Variants in PARD3 observed in about 807,000 individuals in gnomAD.
PARD3 encodes partitioning defective 3 homolog.
PARD3 carries 75 observed loss-of-function variants against 155.4 expected under a neutral mutation model. The observed-to-expected ratio is 0.48, with a 90% CI of 0.40 to 0.58. The LOEUF is 0.58. PARD3 is among the 20% of genes least tolerant of loss of function. PARD3 has a pLI of 0.00. For synonymous variants in PARD3, 576 were observed against 610.5 expected, an observed-to-expected ratio of 0.94 and a Z score of 0.83; for missense variants, 1,642 against 1,721.7, an observed-to-expected ratio of 0.95 and a Z score of 0.82.
intron 14 of PARD3, among the ~76,000 whole-genome samples, chr10:34,352,764 G>A (rs1000296180): frequency 2.6e-5 from 4 of 151,320 alleles, no homozygotes; most frequent in Non-Finnish European, 5.9e-5. Context: ...GCCCGGCCGC[G>A]ACCCCATCTG....
chr10:34,234,028 G>C lies in PARD3; in HGVS notation c.3419+35629C>G, dbSNP rs143726858. 8.5e-5 allele frequency among the ~76,000 whole-genome samples: 13 copies of C among 152,210 alleles called. No individual in the cohort carries two copies. The East Asian group carries it at 2.1e-3, about 25-fold the overall frequency. On this transcript the variant is annotated intron_variant, in intron 22 of 24. Coordinates refer to ENST00000374788, the MANE Select transcript of PARD3 (RefSeq NM_001184785.2). ...AAATCTCATCTGTTTGAAGTACCTA[G>C]TGCAATTTCTGATATAACTACTGAT...
At chr10:34,348,178 G>C (rs1438438012) in intron 14 of PARD3, 63 bp from the exon 15 acceptor site, 10 of 1,434,916 alleles carry the variant, frequency 7.0e-6, no homozygotes, top group Middle Eastern at 2.5e-4. Context: ...TAGCAGCATG[G>C]GAGAATTATA....
intron 12 of PARD3, among the ~76,000 whole-genome samples, chr10:34,370,363 T>C (rs1036015507): frequency 5.9e-5 from 9 of 152,200 alleles, no homozygotes; most frequent in Admixed American, 1.3e-4. Flanking sequence ...AAAAGATGCT[T>C]CTTTCCCTCT....
chr10:34,528,967 T>A (rs2082655898), intron 2 of PARD3, among the ~76,000 whole-genome samples: 1 of 152,316 alleles, frequency 6.6e-6, no homozygotes, highest in Non-Finnish European at 1.5e-5. Context: ...GGTGCCATTA[T>A]GAAGGAAAAT....
At chr10:34,130,881 T>C (rs1947571387) in intron 23 of PARD3, among the ~76,000 whole-genome samples, 1 of 152,144 alleles carries the variant, frequency 6.6e-6, no homozygotes, top group African/African-American at 2.4e-5. Context: ...GCCAACATAG[T>C]GAGACTCAGT....
chr10:34,716,289 A>G (rs988686931), intron 1 of PARD3, among the ~76,000 whole-genome samples: 2 of 152,242 alleles, frequency 1.3e-5, no homozygotes, highest in Non-Finnish European at 2.9e-5. Context: ...GAATACATCA[A>G]GCACAAATAC....
At chr10:34,469,805 A>T (rs1045969514) in intron 4 of PARD3, among the ~76,000 whole-genome samples, 4 of 152,140 alleles carry the variant, frequency 2.6e-5, no homozygotes, top group Non-Finnish European at 5.9e-5. Flanking sequence ...TAATGTGTTG[A>T]ATGTTTTCAT....
chr10:34,116,726 T>C (rs182814141), intron 24 of PARD3, among the ~76,000 whole-genome samples: 5 of 152,374 alleles, frequency 3.3e-5, no homozygotes, highest in Admixed American at 3.3e-4. Context: ...AATTTGAGGA[T>C]GTCTGCTTTT....
At chr10:34,211,008 T>C (rs1482644616) in intron 22 of PARD3, among the ~76,000 whole-genome samples, 1 of 152,146 alleles carries the variant, frequency 6.6e-6, no homozygotes, top group Non-Finnish European at 1.5e-5. Flanking sequence ...TGAGGAACTG[T>C]GTCAAGGTCT....
chr10:34,393,415 A>G (rs1843017001), intron 7 of PARD3, among the ~76,000 whole-genome samples: 1 of 151,968 alleles, frequency 6.6e-6, no homozygotes, highest in Non-Finnish European at 1.5e-5. Context: ...CCTCATGTCC[A>G]CAAAAAATAT....
chr10:34,641,886 C>T (rs902280637), intron 2 of PARD3, among the ~76,000 whole-genome samples: 3 of 152,124 alleles, frequency 2.0e-5, no homozygotes, highest in African/African-American at 7.2e-5. Context: ...GAGGAGGGCA[C>T]AAGGGTGGAG....
chr10:34,416,394 G>A (rs1222652447), intron 5 of PARD3, among the ~76,000 whole-genome samples: 1 of 152,122 alleles, frequency 6.6e-6, no homozygotes, highest in Admixed American at 6.6e-5. Flanking sequence ...GGAGGGCAGG[G>A]GGGACTTTGC....
intron 2 of PARD3, among the ~76,000 whole-genome samples, chr10:34,648,694 T>G (rs1590397988): frequency 6.6e-6 from 1 of 152,230 alleles, no homozygotes; most frequent in African/African-American, 2.4e-5. Context: ...CCTCCTGCTG[T>G]GCAGCCTGGC....
intron 2 of PARD3, among the ~76,000 whole-genome samples, chr10:34,575,973 C>T (rs1232587126): frequency 6.6e-6 from 1 of 152,184 alleles, no homozygotes; most frequent in African/African-American, 2.4e-5. Flanking sequence ...ATGCACCAGG[C>T]ATAGGCTTAG....
intron 22 of PARD3, among the ~76,000 whole-genome samples, chr10:34,222,291 C>T (rs886569457): frequency 6.6e-5 from 10 of 152,144 alleles, no homozygotes; most frequent in South Asian, 2.1e-4. Flanking sequence ...CAGCTAGCAC[C>T]GACCAGCAGC....
intron 21 of PARD3, among the ~76,000 whole-genome samples, chr10:34,273,586 T>C (rs1217389613): frequency 2.0e-5 from 3 of 152,172 alleles, no homozygotes; most frequent in African/African-American, 2.4e-5. Flanking sequence ...ACACACCCTA[T>C]ACCAATGCGA....
intron 2 of PARD3, among the ~76,000 whole-genome samples, chr10:34,573,730 A>AAAACAC (rs1197132914): frequency 3.6e-4 from 13 of 36,336 alleles, no homozygotes; most frequent in East Asian, 1.4e-3. Context: ...CAAACAAACA[A>AAAACAC]ACAAAAACAC....
At chr10:34,786,877 A>G (rs1841026848) in intron 1 of PARD3, among the ~76,000 whole-genome samples, 1 of 152,230 alleles carries the variant, frequency 6.6e-6, no homozygotes, top group Non-Finnish European at 1.5e-5. Context: ...CAGAGTTCAA[A>G]GAGATCATTA....
intron 22 of PARD3, among the ~76,000 whole-genome samples, chr10:34,166,275 T>C (rs1273942952): frequency 1.3e-5 from 2 of 152,100 alleles, no homozygotes; most frequent in Non-Finnish European, 2.9e-5. Context: ...CAAAGTTCCA[T>C]TTGACCCTGA....
Sources: gnomAD v4.1 joint callset for allele counts (sites outside exome capture counted in the v4.1 genomes callset) on GRCh38, gnomAD v4.1.1 for gene constraint, MANE v1.5 for transcripts, NCBI Gene and HGNC (gene_info 2026-07-23, HGNC 2026-07-21) for gene names.